Variants in FAM78B observed in about 807,000 individuals in gnomAD.
FAM78B encodes the protein protein FAM78B.
In FAM78B, 10 loss-of-function variants were observed where a neutral mutation model predicts 20.0. The observed-to-expected ratio is 0.50, with a 90% CI of 0.31 to 0.85. FAM78B has a LOEUF of 0.85. FAM78B is among the 40% of genes least tolerant of loss of function. The pLI is 0.05. For synonymous variants in FAM78B, 135 were observed against 132.8 expected, an observed-to-expected ratio of 1.02 and a Z score of -0.12; for missense variants, 283 against 345.0, an observed-to-expected ratio of 0.82 and a Z score of 1.42.
rs542757091 is a variant in FAM78B, at chr1:166,129,482, T to G, written c.263+36504A>C. Among the ~76,000 whole-genome samples, 4 of 152,322 alleles carry G rather than the reference T, an allele frequency of 2.6e-5. No individual in the cohort carries two copies. In the East Asian group the frequency reaches 7.7e-4, roughly 29 times the overall value. On this transcript the variant is annotated intron_variant, in intron 1 of 1. Coordinates refer to ENST00000354422, the MANE Select transcript of FAM78B (RefSeq NM_001017961.5). ...GAACAAAGCATCAAGCAAACACTCA[T>G]GTGCCTTTTCTCCCAGGAAGTGTGT...
rs1651961633 is a variant in FAM78B at position 166,070,156 on chromosome 1, ACT to A, written c.*83_*84del. ...CCGAGAGGTCTGCTTTGGCTCAGAA[ACT>A]CTGTTTGGCTCCTGCCACCCCTGGC... On this transcript the variant is annotated 3_prime_UTR_variant, in exon 2 of 2. Coordinates refer to ENST00000354422, the MANE Select transcript of FAM78B (RefSeq NM_001017961.5). The A allele has an allele frequency of 2.8e-6, 4 of 1,430,460 alleles. No homozygotes were observed. Among genetic ancestry groups the A allele is most frequent in the South Asian group, 1.9e-5 (1 of 51,758 alleles). 88.6% of individuals were successfully genotyped at this position (1,430,460 alleles called of 1,614,324 possible).
At chr1:166,125,832 A>ATTTTT (rs34168180) in intron 1 of FAM78B, among the ~76,000 whole-genome samples, 4 of 128,784 alleles carry the variant, frequency 3.1e-5, no homozygotes, top group African/African-American at 6.0e-5. Context: ...GCTACTTTGA[A>ATTTTT]TTTTTTTTTT....
At position 166,166,427 on chromosome 1, in the gene FAM78B, G is replaced by C. The variant is rs1248049028; in HGVS notation, c.-179C>G. The C allele has an allele frequency of 1.3e-5, 5 of 381,322 alleles. No individual in the cohort carries two copies. Among genetic ancestry groups the C allele is most frequent in the Non-Finnish European group, 1.5e-5 (4 of 273,564 alleles). 23.6% of individuals were successfully genotyped at this position (381,322 alleles called of 1,614,324 possible). ...GGGGAAGCCCCCTCCTCTTGCAGCC[G>C]CGCGGGGTCCCCGCTGCCCCGACGT... On this transcript the variant is annotated 5_prime_UTR_variant, in exon 1 of 2. Transcript: ENST00000354422.
At chr1:166,114,164 AC>A (rs1164424467) in intron 1 of FAM78B, among the ~76,000 whole-genome samples, 1 of 152,244 alleles carries the variant, frequency 6.6e-6, no homozygotes, top group African/African-American at 2.4e-5. Flanking sequence ...TGATAAAAAT[AC>A]ATTTCCATTG....
chr1:166,099,580 C>A (rs879387845), intron 1 of FAM78B, among the ~76,000 whole-genome samples: 1 of 152,136 alleles, frequency 6.6e-6, no homozygotes, highest in Admixed American at 6.6e-5. Context: ...GTGGAAAAAG[C>A]CATTTCATGC....
At position 166,139,878 on chromosome 1, in the gene FAM78B, C is replaced by G. The variant is rs541971161; in HGVS notation, c.263+26108G>C. ...ATGAAAAAATCCAAGTTTGGCTGTC[C>G]TGCTGTGAGGTTGGAGGGAAGAGGC... On this transcript the variant is annotated intron_variant, in intron 1 of 1. Transcript: ENST00000354422. Among the ~76,000 whole-genome samples, 9 of 152,246 alleles carry G rather than the reference C, an allele frequency of 5.9e-5. No homozygotes were observed. In the East Asian group the frequency reaches 1.7e-3, roughly 29 times the overall value.
intron 2 of FAM78B, among the ~76,000 whole-genome samples, chr1:166,061,925 C>A (rs1057357143): frequency 5.9e-5 from 9 of 152,178 alleles, no homozygotes; most frequent in African/African-American, 2.2e-4. Context: ...TGGAGAGATG[C>A]CTGTGTGCCA....
downstream of FAM78B, among the ~76,000 whole-genome samples, chr1:166,066,558 G>A (rs144215061): frequency 6.6e-6 from 1 of 152,200 alleles, no homozygotes; most frequent in African/African-American, 2.4e-5. Flanking sequence ...TTTTGTTTGT[G>A]TACTCATGGA....
intron 1 of FAM78B, among the ~76,000 whole-genome samples, chr1:166,090,663 G>C (rs1308778472): frequency 1.3e-5 from 2 of 152,212 alleles, no homozygotes; most frequent in Non-Finnish European, 2.9e-5. Context: ...GCTTGGTACT[G>C]TCCTGGGTGC....
At chr1:166,126,433 G>A (rs541131460) in intron 1 of FAM78B, among the ~76,000 whole-genome samples, 1 of 152,298 alleles carries the variant, frequency 6.6e-6, no homozygotes, top group African/African-American at 2.4e-5. Flanking sequence ...GAAATAGTAT[G>A]GATGAAATAG....
intron 1 of FAM78B, among the ~76,000 whole-genome samples, chr1:166,111,795 C>T (rs1392022127): frequency 6.6e-6 from 1 of 152,214 alleles, no homozygotes; most frequent in Non-Finnish European, 1.5e-5. Context: ...GCATTATTAT[C>T]TAATTTCCTC....
chr1:166,148,824 C>G (rs7548354), intron 1 of FAM78B, among the ~76,000 whole-genome samples: 141,031 of 152,316 alleles, frequency 0.93, 66,218 homozygotes, highest in East Asian at 1. Flanking sequence ...GGGTTCCTCA[C>G]ATAAGTGATA....
chr1:166,163,078 T>C (rs1365527851), intron 1 of FAM78B, among the ~76,000 whole-genome samples: 1 of 152,218 alleles, frequency 6.6e-6, no homozygotes, highest in Non-Finnish European at 1.5e-5. Flanking sequence ...CATATTCCTT[T>C]TTCTTTGGTG....
At chr1:166,093,728 C>T (rs1196938549) in intron 1 of FAM78B, among the ~76,000 whole-genome samples, 1 of 151,182 alleles carries the variant, frequency 6.6e-6, no homozygotes, top group Non-Finnish European at 1.5e-5. Context: ...AAATAGCAGA[C>T]AAGCAGGTCA....
chr1:166,071,883 G>C (rs1022275654), intron 1 of FAM78B, among the ~76,000 whole-genome samples: 2 of 152,144 alleles, frequency 1.3e-5, no homozygotes, highest in African/African-American at 4.8e-5. Context: ...TGTCTAATGA[G>C]TTAGCAGCTC....
rs1266593422 is a variant in FAM78B at position 166,070,280 on chromosome 1, G to A, written c.747C>T (p.Pro249=). 3.8e-6 allele frequency: 6 copies of A among 1,560,688 alleles called. No homozygotes were observed. The Admixed American group carries it at 1.1e-4, about 29-fold the overall frequency. ...TCACAACCAGAGGTGGCCCCCGCTTGGGCCTCCACATGAGGACCTGGGCAT... is the reference window on the plus strand; with the variant it reads ...TCACAACCAGAGGTGGCCCCCGCTTAGGCCTCCACATGAGGACCTGGGCAT... ...ANDAQVLMWR[P]KRGPPLVVIP... Residue 249 remains proline (P), a synonymous_variant, in exon 2 of 2, where the codon CCC becomes CCT. Transcript: ENST00000354422.
In FAM78B at chr1:166,109,621, A is replaced by C. The variant is rs2101755455; in HGVS notation, c.264-38858T>G. Among the ~76,000 whole-genome samples the C allele has an allele frequency of 1.3e-5, 2 of 151,314 alleles. 1 individual carries two copies. The highest frequency in any genetic ancestry group is 4.2e-4 in the South Asian group (2 of 4,756). The stretch of plus-strand genomic sequence containing the variant: ...GTGTGGAGATTCCTTAAAGAACTAA[A>C]AGTAGAACTACCATTTGATCCACCA... On this transcript the variant is annotated intron_variant, in intron 1 of 1. Transcript: ENST00000354422.
downstream of FAM78B, among the ~76,000 whole-genome samples, chr1:166,066,965 T>TA (rs34085054): frequency 0.38 from 57,421 of 151,990 alleles, 11,125 homozygotes; most frequent in African/African-American, 0.43. Context: ...GAAGGGCCCA[T>TA]ATTAAGGGTT....
intron 1 of FAM78B, among the ~76,000 whole-genome samples, chr1:166,086,247 C>T (rs931061527): frequency 1.6e-4 from 24 of 152,156 alleles, no homozygotes. Flanking sequence ...CCAGTACTGA[C>T]CCAGGTCCTC....
Sources: gnomAD v4.1 joint callset for allele counts (sites outside exome capture counted in the v4.1 genomes callset) on GRCh38, gnomAD v4.1.1 for gene constraint, MANE v1.5 for transcripts, NCBI Gene and HGNC (gene_info 2026-07-23, HGNC 2026-07-21) for gene names.